PTPRG: variants seen among roughly 807,000 people sequenced by gnomAD.
PTPRG encodes protein tyrosine phosphatase receptor type G.
Under a neutral mutation model 165.3 loss-of-function variants are expected in PTPRG, and 102 were observed. The ratio of observed to expected loss-of-function variants is 0.62; its 90% confidence interval spans 0.53 to 0.73. The LOEUF is 0.73. Ranked by LOEUF, PTPRG falls within the 30% of genes least tolerant of loss-of-function variation. PTPRG has a pLI of 0.00. For synonymous variants in PTPRG, 675 were observed against 669.5 expected, an observed-to-expected ratio of 1.01 and a Z score of -0.13; for missense variants, 1,866 against 1,861.4, an observed-to-expected ratio of 1.00 and a Z score of -0.05.
intron 4 of PTPRG, among the ~76,000 whole-genome samples, chr3:62,040,010 TTAAG>T (rs1360826661): frequency 1.3e-5 from 2 of 152,258 alleles, no homozygotes; most frequent in Non-Finnish European, 2.9e-5. Flanking sequence ...GTTTTCAGTG[TTAAG>T]TATTTTTTAT....
At chr3:62,038,387 TTTTC>T (rs1366101823) in intron 4 of PTPRG, among the ~76,000 whole-genome samples, 2 of 152,126 alleles carry the variant, frequency 1.3e-5, no homozygotes, top group African/African-American at 4.8e-5. Context: ...AGTTATGCTT[TTTTC>T]TTTATTTTTA....
intron 4 of PTPRG, among the ~76,000 whole-genome samples, chr3:62,015,878 T>C (rs2041532878): frequency 6.6e-6 from 1 of 152,192 alleles, no homozygotes; most frequent in Non-Finnish European, 1.5e-5. Flanking sequence ...TTATACTTCT[T>C]GGTTTAAAAA....
chr3:62,218,586 A>C (rs2106885034), intron 12 of PTPRG, among the ~76,000 whole-genome samples: 2 of 152,288 alleles, frequency 1.3e-5, no homozygotes, highest in Middle Eastern at 6.8e-3. Flanking sequence ...TCTTCTGTAC[A>C]GCTGTCTAAA....
chr3:61,717,025 T>C (rs1053750527), intron 1 of PTPRG, among the ~76,000 whole-genome samples: 2 of 152,182 alleles, frequency 1.3e-5, no homozygotes, highest in African/African-American at 4.8e-5. Flanking sequence ...TAACCAATTA[T>C]GGTGACTTGT....
chr3:61,958,168 C>T (rs763114061), intron 2 of PTPRG, among the ~76,000 whole-genome samples: 23 of 151,774 alleles, frequency 1.5e-4, no homozygotes, highest in Non-Finnish European at 3.4e-4. Context: ...ACTCTGTTGC[C>T]CAGGCTGGAG....
chr3:61,758,045 C>G (rs999374880), intron 2 of PTPRG, among the ~76,000 whole-genome samples: 4 of 152,148 alleles, frequency 2.6e-5, no homozygotes, highest in African/African-American at 7.2e-5. Context: ...ATTCATAAAG[C>G]CCACCCACTT....
intron 1 of PTPRG, among the ~76,000 whole-genome samples, chr3:61,638,764 T>G (rs1017344032): frequency 1.3e-5 from 2 of 152,100 alleles, no homozygotes; most frequent in East Asian, 1.9e-4. Flanking sequence ...TTAATAAGGT[T>G]GTTTTTTGCT....
chr3:61,983,616 A>G (rs1162362987), intron 2 of PTPRG, among the ~76,000 whole-genome samples: 1 of 152,160 alleles, frequency 6.6e-6, no homozygotes, highest in African/African-American at 2.4e-5. Flanking sequence ...TATTTTCAGC[A>G]AAGAACCTCT....
intron 27 of PTPRG, among the ~76,000 whole-genome samples, chr3:62,282,405 A>C (rs1400532257): frequency 6.8e-6 from 1 of 147,004 alleles, no homozygotes; most frequent in African/African-American, 2.5e-5. Flanking sequence ...TTTTTTTTTT[A>C]ATTTTTTTAG....
At chr3:61,759,665 T>G (rs1024067827) in intron 2 of PTPRG, among the ~76,000 whole-genome samples, 2 of 152,058 alleles carry the variant, frequency 1.3e-5, no homozygotes, top group African/African-American at 4.8e-5. Flanking sequence ...AAAATAATAA[T>G]AATAAGAATA....
At chr3:61,742,423 T>TTTTTTA in intron 1 of PTPRG, 1 of 1,283,578 alleles carries the variant, frequency 7.8e-7, no homozygotes, top group Non-Finnish European at 1.0e-6. Flanking sequence ...TTTTTTTTTT[T>TTTTTTA]GAACTGGTAA....
At chr3:61,895,954 C>G (rs1313635062) in intron 2 of PTPRG, among the ~76,000 whole-genome samples, 4 of 152,128 alleles carry the variant, frequency 2.6e-5, no homozygotes, top group African/African-American at 7.2e-5. Context: ...GCCTAGTTTC[C>G]CCAAAGGTAG....
chr3:62,195,291 T>A lies in PTPRG; in HGVS notation c.1327+121T>A. 1 of 925,402 alleles carries A rather than the reference T, an allele frequency of 1.1e-6. No homozygotes were observed. Among genetic ancestry groups the A allele is most frequent in the South Asian group, 1.5e-5 (1 of 64,952 alleles). The allele number at this position is 925,402 out of a possible 1,614,324, so 57.3% of individuals were successfully genotyped here. ...AACAAGCCTGGCAGAAGAATCAGTG[T>A]AGGGTTTTAAAGCCTATGCGGGAAG... On this transcript the variant is annotated intron_variant, in intron 10 of 29. Coordinates refer to ENST00000474889, the MANE Select transcript of PTPRG (RefSeq NM_002841.4). This position sits in a 1 kb window ranked among gnomAD's most constrained non-coding sequence, Gnocchi z 4.4.
At chr3:62,221,978 C>T (rs931033867) in intron 13 of PTPRG, among the ~76,000 whole-genome samples, 1 of 152,198 alleles carries the variant, frequency 6.6e-6, no homozygotes, top group Admixed American at 6.5e-5. Flanking sequence ...TTGGGTGGCA[C>T]CAACTCATGT....
At position 62,026,879 on chromosome 3, in the gene PTPRG, T is replaced by TAAAAAAAAAAAAAAAAAA. The variant is rs200417191; in HGVS notation, c.519+23397_519+23398insAAAAAAAAAAAAAAAAAA. Among the ~76,000 whole-genome samples the TAAAAAAAAAAAAAAAAAA allele has an allele frequency of 8.9e-4, 84 of 94,572 alleles. 4 individuals carry two copies. Among genetic ancestry groups the TAAAAAAAAAAAAAAAAAA allele is most frequent in the Admixed American group, 1.4e-3 (12 of 8,484 alleles). 62.0% of individuals were successfully genotyped at this position (94,572 alleles called of 152,430 possible). A position where few individuals can be genotyped will look rare whatever the true frequency, so the allele number is the denominator to read the frequency against. On this transcript the variant is annotated intron_variant, in intron 4 of 29. Transcript: ENST00000474889. ...CCAGCCTGGGAAACCGAGTGAGAATTAAAAAAAAAAAAAAAGATATAAGAA... is the reference window on the plus strand; with the variant it reads ...CCAGCCTGGGAAACCGAGTGAGAATTAAAAAAAAAAAAAAAAAAAAAAAAAAAAAAAAAGATATAAGAA...
chr3:62,009,422 A>G (rs2041368043), intron 4 of PTPRG, among the ~76,000 whole-genome samples: 1 of 152,096 alleles, frequency 6.6e-6, no homozygotes, highest in Non-Finnish European at 1.5e-5. Context: ...TCTCCTTTGA[A>G]CATTCTGTTT....
rs1700678347 is a variant in PTPRG, at chr3:61,595,379, G to A, written c.85+33007G>A. 2.6e-5 allele frequency among the ~76,000 whole-genome samples: 4 copies of A among 152,108 alleles called. No individual in the cohort carries two copies. The South Asian group carries it at 8.3e-4, about 32-fold the overall frequency. On this transcript the variant is annotated intron_variant, in intron 1 of 29. Coordinates refer to ENST00000474889, the MANE Select transcript of PTPRG (RefSeq NM_002841.4). ...GAAATTGACTGAAGTAAGACTCTGG[G>A]GACTCTAAGATGTCTCTTCTTACAG...
chr3:61,905,123 C>A (rs2038609541), intron 2 of PTPRG, among the ~76,000 whole-genome samples: 1 of 152,060 alleles, frequency 6.6e-6, no homozygotes, highest in Admixed American at 6.6e-5. Flanking sequence ...AAATCAGATG[C>A]GGTAATCAGA....
At chr3:61,863,912 A>C (rs2107413567) in intron 2 of PTPRG, among the ~76,000 whole-genome samples, 1 of 152,190 alleles carries the variant, frequency 6.6e-6, no homozygotes, top group East Asian at 1.9e-4. Flanking sequence ...ATTTAGCAGA[A>C]CTCTTTTAAC....
Sources: allele counts gnomAD v4.1 joint callset (sites outside exome capture counted in the v4.1 genomes callset), GRCh38; gene constraint gnomAD v4.1.1; non-coding constraint Gnocchi (gnomAD v3.1); transcripts MANE v1.5; gene names NCBI Gene and HGNC (gene_info 2026-07-23, HGNC 2026-07-21).